The following ZBTB20 variants were observed in gnomAD, a reference collection of about 807,000 sequenced individuals.
ZBTB20 encodes zinc finger and BTB domain containing 20, also known as zinc finger and BTB domain-containing protein 20.
In ZBTB20, 9 loss-of-function variants were observed where a neutral mutation model predicts 56.9. That is an observed-to-expected ratio of 0.16 (90% CI 0.10 to 0.28). The LOEUF (loss-of-function observed/expected upper bound fraction) is 0.28, where lower values mean the gene tolerates loss of function less well. ZBTB20 is among the 10% of genes least tolerant of loss of function. The probability of loss-of-function intolerance (pLI) is 1.00; values close to 1 mark genes in which losing one functional copy is unlikely to be tolerated. For missense variants in ZBTB20, 655 were observed against 1,003.0 expected, an observed-to-expected ratio of 0.65 and a Z score of 4.69; for synonymous variants, 417 against 420.7, an observed-to-expected ratio of 0.99 and a Z score of 0.11.
intron 1 of ZBTB20, among the ~76,000 whole-genome samples, chr3:115,086,714 T>C (rs1211335683): frequency 2.0e-5 from 3 of 151,818 alleles, no homozygotes; most frequent in African/African-American, 7.3e-5. Flanking sequence ...CTCTGAATAA[T>C]TCATATATTT....
chr3:114,922,971 C>T (rs2076016701), intron 3 of ZBTB20, among the ~76,000 whole-genome samples: 1 of 152,070 alleles, frequency 6.6e-6, no homozygotes, highest in Non-Finnish European at 1.5e-5. Flanking sequence ...TAAAACGATT[C>T]CACTTACAAT....
At chr3:115,043,807 T>C (rs2081240186) in intron 2 of ZBTB20, among the ~76,000 whole-genome samples, 1 of 152,098 alleles carries the variant, frequency 6.6e-6, no homozygotes, top group African/African-American at 2.4e-5. Context: ...ATGGTTTTAA[T>C]ATGTGTCCCC....
intron 1 of ZBTB20, among the ~76,000 whole-genome samples, chr3:115,123,900 G>T (rs1250156108): frequency 6.6e-6 from 1 of 152,102 alleles, no homozygotes; most frequent in African/African-American, 2.4e-5. Flanking sequence ...ACTCAGTAAA[G>T]ATTTCACAAG....
intron 5 of ZBTB20, among the ~76,000 whole-genome samples, chr3:114,777,341 C>T (rs1269438735): frequency 6.6e-6 from 1 of 151,968 alleles, no homozygotes; most frequent in Admixed American, 6.6e-5. Flanking sequence ...GCTGTCTCTA[C>T]TAAAAATACA....
At chr3:115,001,559 C>A (rs1282008229) in intron 2 of ZBTB20, among the ~76,000 whole-genome samples, 1 of 150,570 alleles carries the variant, frequency 6.6e-6, no homozygotes, top group Non-Finnish European at 1.5e-5. Context: ...AATTGAGAGT[C>A]AGGCATTAAA....
Position 115,108,811 on chromosome 3 carries a change from C to A in ZBTB20, c.-702-37397G>T, listed in dbSNP as rs186945500. ...GCAAAGAGTAGAAAATCAAAAGTAT[C>A]TTTAATATAGAATGACTCATATCTA... On this transcript the variant is annotated intron_variant, in intron 1 of 11. Coordinates refer to ENST00000675478, the MANE Select transcript of ZBTB20 (RefSeq NM_001348800.3). Among the ~76,000 whole-genome samples the A allele has an allele frequency of 3.1e-3, 474 of 152,114 alleles. 1 individual carries two copies. The highest frequency in any genetic ancestry group is 0.011 in the African/African-American group (451 of 41,490).
At chr3:114,447,926 C>T (rs542784987) in intron 7 of ZBTB20, among the ~76,000 whole-genome samples, 23 of 152,216 alleles carry the variant, frequency 1.5e-4, no homozygotes, top group African/African-American at 5.5e-4. Context: ...TCAAAGCTTT[C>T]CATGTTGCAA....
intron 6 of ZBTB20, among the ~76,000 whole-genome samples, chr3:114,608,192 C>T (rs367556992): frequency 6.6e-6 from 1 of 152,180 alleles, no homozygotes; most frequent in East Asian, 1.9e-4. Context: ...TCTTTACTCA[C>T]TTGAAATGGC....
At chr3:115,071,921 T>C (rs1038118378) in intron 1 of ZBTB20, among the ~76,000 whole-genome samples, 1 of 152,268 alleles carries the variant, frequency 6.6e-6, no homozygotes, top group Middle Eastern at 3.4e-3. Context: ...AGCTTGCAGC[T>C]GGTCATGCAT....
intron 7 of ZBTB20, among the ~76,000 whole-genome samples, chr3:114,398,426 T>C (rs1324121678): frequency 6.6e-6 from 1 of 152,150 alleles, no homozygotes; most frequent in Non-Finnish European, 1.5e-5. Flanking sequence ...TAGTTTAAGA[T>C]GCTAACAGCC....
At chr3:115,104,149 A>G (rs1353249426) in intron 1 of ZBTB20, among the ~76,000 whole-genome samples, 1 of 152,222 alleles carries the variant, frequency 6.6e-6, no homozygotes, top group Admixed American at 6.5e-5. Context: ...TAACAATGAC[A>G]TACCACCACA....
At chr3:114,508,524 C>T (rs945473272) in intron 6 of ZBTB20, among the ~76,000 whole-genome samples, 3 of 152,002 alleles carry the variant, frequency 2.0e-5, no homozygotes, top group African/African-American at 7.2e-5. Flanking sequence ...AATCAACAGG[C>T]GAAGGCATCA....
chr3:114,338,997 G>A lies in ZBTB20; in HGVS notation c.*8C>T, dbSNP rs1016380024. The A allele has an allele frequency of 2.0e-6, 3 of 1,499,102 alleles. No homozygotes were observed. The highest frequency in any genetic ancestry group is 2.8e-5 in the African/African-American group (2 of 71,428). The allele number at this position is 1,499,102 out of a possible 1,614,324, so 92.9% of individuals were successfully genotyped here. A position where few individuals can be genotyped will look rare whatever the true frequency, so the allele number is the denominator to read the frequency against. On this transcript the variant is annotated 3_prime_UTR_variant, in exon 12 of 12. Transcript: ENST00000675478. The stretch of plus-strand genomic sequence containing the variant: ...GTTTTGTTCATAAGAAAGAGAGAAA[G>A]ATACTACTTATCCGTCAGACACATG...
intron 3 of ZBTB20, among the ~76,000 whole-genome samples, chr3:114,957,000 C>T (rs2077269872): frequency 6.6e-6 from 1 of 152,100 alleles, no homozygotes; most frequent in African/African-American, 2.4e-5. Context: ...TTTCTGTTTC[C>T]CTTCCCTCAT....
intron 2 of ZBTB20, among the ~76,000 whole-genome samples, chr3:115,050,204 T>C (rs1234862905): frequency 6.6e-6 from 1 of 152,026 alleles, no homozygotes; most frequent in Non-Finnish European, 1.5e-5. Context: ...AAGGTACGAA[T>C]TTTATAAATG....
intron 4 of ZBTB20, among the ~76,000 whole-genome samples, chr3:114,877,100 C>G (rs990012426): frequency 3.3e-5 from 5 of 152,078 alleles, no homozygotes; most frequent in Non-Finnish European, 7.4e-5. Flanking sequence ...TTTCACTAGG[C>G]ATTTACTATA....
At chr3:114,568,280 G>T (rs983930788) in intron 6 of ZBTB20, among the ~76,000 whole-genome samples, 1 of 152,102 alleles carries the variant, frequency 6.6e-6, no homozygotes, top group African/African-American at 2.4e-5. Context: ...CTCCCCCCAC[G>T]AAAAACCTGA....
Position 115,014,153 on chromosome 3 carries a change from G to A in ZBTB20, c.-506-39737C>T, listed in dbSNP as rs112988308. 4.3e-3 allele frequency among the ~76,000 whole-genome samples: 649 copies of A among 151,728 alleles called. 2 individuals are homozygous for A. The highest frequency in any genetic ancestry group is 7.7e-3 in the Non-Finnish European group (519 of 67,770). ...GAAATTATTAGGTTAAGTGAAATAAGCTAGGCACAGAAAGACAAACTTGAT... is the reference window on the plus strand; with the variant it reads ...GAAATTATTAGGTTAAGTGAAATAAACTAGGCACAGAAAGACAAACTTGAT... On this transcript the variant is annotated intron_variant, in intron 2 of 11. Coordinates refer to ENST00000675478, the MANE Select transcript of ZBTB20 (RefSeq NM_001348800.3).
At chr3:114,852,286 C>CA (rs1305828745) in intron 4 of ZBTB20, among the ~76,000 whole-genome samples, 1 of 151,676 alleles carries the variant, frequency 6.6e-6, no homozygotes, top group African/African-American at 2.4e-5. Context: ...TTTTTTGAGA[C>CA]AGAGTCTTGC....
Sources: gnomAD v4.1 joint callset for allele counts (sites outside exome capture counted in the v4.1 genomes callset) on GRCh38, gnomAD v4.1.1 for gene constraint, MANE v1.5 for transcripts, NCBI Gene and HGNC (gene_info 2026-07-23, HGNC 2026-07-21) for gene names.